The following MYRIP variants were observed in gnomAD, a reference collection of about 807,000 sequenced individuals.
MYRIP encodes rab effector MyRIP.
MYRIP carries 49 observed loss-of-function variants against 98.0 expected under a neutral mutation model. The ratio of observed to expected loss-of-function variants is 0.50; its 90% CI spans 0.40 to 0.63. The LOEUF (loss-of-function observed/expected upper bound fraction) is 0.63. Ranked by LOEUF, MYRIP falls within the 30% of genes least tolerant of loss-of-function variation. MYRIP has a pLI of 0.00. For missense variants in MYRIP, 1,004 were observed against 1,058.2 expected (o/e 0.95, Z 0.71); for synonymous variants, 404 against 409.5 (o/e 0.99, Z 0.16).
At chr3:40,023,941 G>C (rs956507586) in intron 2 of MYRIP, among the ~76,000 whole-genome samples, 5 of 152,110 alleles carry the variant, frequency 3.3e-5, no homozygotes, top group Non-Finnish European at 2.9e-5. Flanking sequence ...TGGATTTTGT[G>C]ACTTTTTTGA....
At chr3:39,988,195 G>T (rs1212301163) in intron 2 of MYRIP, among the ~76,000 whole-genome samples, 1 of 151,946 alleles carries the variant, frequency 6.6e-6, no homozygotes, top group African/African-American at 2.4e-5. Context: ...AGCATTAGGA[G>T]ATATACCTAA....
chr3:40,167,504 C>T (rs939450669), intron 7 of MYRIP, among the ~76,000 whole-genome samples: 9 of 152,200 alleles, frequency 5.9e-5, no homozygotes, highest in Non-Finnish European at 1.0e-4. Flanking sequence ...AAACCAAACA[C>T]CCCAAAACTC....
chr3:40,214,210 G>A (rs1300051965), intron 11 of MYRIP, among the ~76,000 whole-genome samples: 1 of 152,346 alleles, frequency 6.6e-6, no homozygotes, highest in East Asian at 1.9e-4. Flanking sequence ...CAGTGAGGAA[G>A]TCTAACCACC....
chr3:39,840,808 T>C (rs1941777203), intron 1 of MYRIP, among the ~76,000 whole-genome samples: 2 of 152,328 alleles, frequency 1.3e-5, no homozygotes, highest in South Asian at 4.1e-4. Flanking sequence ...TTGTGGCTTG[T>C]AGGGTTTCTG....
chr3:39,860,007 A>G (rs1942421335), intron 1 of MYRIP, among the ~76,000 whole-genome samples: 1 of 152,250 alleles, frequency 6.6e-6, no homozygotes, highest in Non-Finnish European at 1.5e-5. Flanking sequence ...TAAAAGTTCT[A>G]TATGTAGGCA....
At chr3:40,083,648 G>T (rs1198525573) in intron 3 of MYRIP, among the ~76,000 whole-genome samples, 1 of 151,974 alleles carries the variant, frequency 6.6e-6, no homozygotes. Flanking sequence ...AAAGGCTAAA[G>T]AAAAAAATTG....
intron 10 of MYRIP, among the ~76,000 whole-genome samples, chr3:40,205,828 C>T (rs1440606294): frequency 1.3e-5 from 2 of 151,916 alleles, no homozygotes; most frequent in African/African-American, 2.4e-5. Flanking sequence ...GAAGACTCAG[C>T]AGCACCCTTA....
intron 1 of MYRIP, among the ~76,000 whole-genome samples, chr3:39,841,977 T>C (rs1941815269): frequency 6.6e-6 from 1 of 152,164 alleles, no homozygotes; most frequent in South Asian, 2.1e-4. Context: ...TAGCAGAGCT[T>C]GAGCACTATG....
chr3:40,226,075 C>T (rs952583802), intron 11 of MYRIP, among the ~76,000 whole-genome samples: 2 of 152,068 alleles, frequency 1.3e-5, no homozygotes, highest in Admixed American at 6.6e-5. Flanking sequence ...TTATGAAGAT[C>T]GTATGTAGCC....
intron 1 of MYRIP, among the ~76,000 whole-genome samples, chr3:39,877,446 C>T (rs4389416): frequency 0.14 from 21,569 of 151,514 alleles, 2,470 homozygotes; most frequent in African/African-American, 0.32. Context: ...AGTTTTTCTG[C>T]TCTGTTTTTT....
At chr3:39,852,759 TCTC>T (rs1438779814) in intron 1 of MYRIP, among the ~76,000 whole-genome samples, 1 of 150,706 alleles carries the variant, frequency 6.6e-6, no homozygotes, top group Admixed American at 6.6e-5. Context: ...TCTCTTCTGT[TCTC>T]CTCTTCTCTT....
intron 2 of MYRIP, among the ~76,000 whole-genome samples, chr3:39,923,732 T>G (rs1268617388): frequency 1.3e-5 from 2 of 152,178 alleles, no homozygotes; most frequent in Admixed American, 1.3e-4. Flanking sequence ...TACAATAGGC[T>G]TTCTTTATCC....
intron 2 of MYRIP, among the ~76,000 whole-genome samples, chr3:39,916,512 T>C (rs964677729): frequency 1.3e-5 from 2 of 151,996 alleles, no homozygotes; most frequent in African/African-American, 4.8e-5. Context: ...TACAAAGTAC[T>C]GATTGACATG....
At chr3:40,254,931 ATTCCTCCCTTCCTC>A (rs1201678594) in intron 16 of MYRIP, among the ~76,000 whole-genome samples, 2 of 152,140 alleles carry the variant, frequency 1.3e-5, no homozygotes, top group African/African-American at 4.8e-5. Context: ...TCCTTCACCC[ATTCCTCCCTTCCTC>A]TTCCTCCCTA....
At chr3:40,144,284 C>T (rs1949968859) in intron 3 of MYRIP, among the ~76,000 whole-genome samples, 1 of 152,180 alleles carries the variant, frequency 6.6e-6, no homozygotes, top group Admixed American at 6.5e-5. Context: ...ATGGAGCCAG[C>T]CCTGCAGAAA....
At chr3:39,905,119 A>G (rs1943845922) in intron 2 of MYRIP, among the ~76,000 whole-genome samples, 1 of 152,196 alleles carries the variant, frequency 6.6e-6, no homozygotes, top group African/African-American at 2.4e-5. Context: ...TATCTAGATT[A>G]CTCAAGTAAA....
intron 2 of MYRIP, among the ~76,000 whole-genome samples, chr3:39,943,048 A>C (rs371938741): frequency 1.8e-4 from 28 of 152,268 alleles, no homozygotes; most frequent in East Asian, 7.7e-4. Flanking sequence ...ACATGAGCAC[A>C]CTTTTAGTTC....
chr3:39,894,561 G>A (rs142710616), intron 1 of MYRIP, among the ~76,000 whole-genome samples: 17 of 152,262 alleles, frequency 1.1e-4, no homozygotes, highest in Non-Finnish European at 1.9e-4. Context: ...TAGTGTTGCT[G>A]TATACTTTCT....
intron 2 of MYRIP, among the ~76,000 whole-genome samples, chr3:39,915,559 G>T (rs1363020183): frequency 6.6e-6 from 1 of 151,918 alleles, no homozygotes; most frequent in Non-Finnish European, 1.5e-5. Flanking sequence ...TCAACCAAGA[G>T]ATTTTATTTA....
Sources: allele counts gnomAD v4.1 joint callset (sites outside exome capture counted in the v4.1 genomes callset), GRCh38; gene constraint gnomAD v4.1.1; transcripts MANE v1.5; gene names NCBI Gene and HGNC (gene_info 2026-07-23, HGNC 2026-07-21).